TSNARE1: variants seen among roughly 807,000 people sequenced by gnomAD.
TSNARE1 encodes the protein t-SNARE domain-containing protein 1.
In TSNARE1, 49 loss-of-function variants were observed where a neutral mutation model predicts 62.0. The observed-to-expected ratio is 0.79, with a 90% confidence interval of 0.63 to 1.00. The LOEUF is 1.00. Among genes scored for constraint, TSNARE1 ranks in the 50% least tolerant of loss-of-function variants. TSNARE1 has a pLI of 0.00. For synonymous variants in TSNARE1, 328 were observed against 294.4 expected, an observed-to-expected ratio of 1.11 and a Z score of -1.17; for missense variants, 755 against 700.1, an observed-to-expected ratio of 1.08 and a Z score of -0.88.
intron 10 of TSNARE1, among the ~76,000 whole-genome samples, chr8:142,295,110 G>C (rs1381864327): frequency 6.6e-6 from 1 of 152,210 alleles, no homozygotes; most frequent in African/African-American, 2.4e-5. Flanking sequence ...TGAGTACACA[G>C]TGGAGACAGG....
At chr8:142,213,531 C>T (rs765163739) in intron 13 of TSNARE1, among the ~76,000 whole-genome samples, 8 of 152,134 alleles carry the variant, frequency 5.3e-5, no homozygotes, top group African/African-American at 1.2e-4. Flanking sequence ...TAAGGACAAA[C>T]GCCAGTTGCC....
At chr8:142,355,932 C>A (rs574952708) in intron 1 of TSNARE1, among the ~76,000 whole-genome samples, 8 of 152,342 alleles carry the variant, frequency 5.3e-5, no homozygotes, top group African/African-American at 1.4e-4. Context: ...GTGGGCCCCA[C>A]TGCCCTGCTC....
chr8:142,284,541 G>A (rs1397209729), intron 10 of TSNARE1, 56 bp from the exon 11 acceptor site: 13 of 1,380,972 alleles, frequency 9.4e-6, no homozygotes, highest in Non-Finnish European at 1.3e-5. Flanking sequence ...AGACACCAAG[G>A]GCACCTGAAA....
chr8:142,365,800 T>C (rs188461433), intron 1 of TSNARE1: 1 of 316,800 alleles, frequency 3.2e-6, no homozygotes, highest in East Asian at 1.1e-4. Flanking sequence ...AAAAACTCAC[T>C]GGAAATTATT....
In TSNARE1 at chr8:142,367,391, A is replaced by C. The variant is rs1002538781; in HGVS notation, c.-39-12628T>G. 1.7e-4 allele frequency among the ~76,000 whole-genome samples: 26 copies of C among 152,174 alleles called. 1 individual carries two copies. The highest frequency in any genetic ancestry group is 3.8e-4 in the Non-Finnish European group (26 of 68,044). On this transcript the variant is annotated intron_variant, in intron 1 of 13. Transcript: ENST00000524325. Reference sequence around the variant, plus strand: ...CTGATGTGCGTTACAACAGGGACGGATCCTGAAAGCACCGTGCTAGGAGAG... The same window carrying C: ...CTGATGTGCGTTACAACAGGGACGGCTCCTGAAAGCACCGTGCTAGGAGAG...
intron 6 of TSNARE1, among the ~76,000 whole-genome samples, chr8:142,322,135 A>C (rs1829559295): frequency 6.6e-6 from 1 of 152,364 alleles, no homozygotes; most frequent in East Asian, 1.9e-4. Flanking sequence ...AACAGAGCAA[A>C]TTTAACAAGG....
intron 10 of TSNARE1, among the ~76,000 whole-genome samples, chr8:142,296,984 C>G (rs13265050): frequency 0.24 from 36,785 of 152,094 alleles, 5,072 homozygotes; most frequent in African/African-American, 0.37. Flanking sequence ...CACTTCCACA[C>G]GGCCCGCTAC....
At chr8:142,341,124 C>T (rs1339554081) in intron 4 of TSNARE1, among the ~76,000 whole-genome samples, 1 of 152,214 alleles carries the variant, frequency 6.6e-6, no homozygotes, top group Non-Finnish European at 1.5e-5. Context: ...TCCCCCGACG[C>T]CTCCCATCTG....
chr8:142,222,515 CTCACTCAT>C (rs2129947171), intron 13 of TSNARE1, among the ~76,000 whole-genome samples: 5 of 94,632 alleles, frequency 5.3e-5, no homozygotes, highest in South Asian at 4.2e-4. Flanking sequence ...CACTCACTCA[CTCACTCAT>C]CCACTCACTC....
chr8:142,374,769 G>A (rs541930356), intron 1 of TSNARE1, among the ~76,000 whole-genome samples: 2 of 152,062 alleles, frequency 1.3e-5, no homozygotes, highest in South Asian at 4.2e-4. Flanking sequence ...GGGGAAGGAG[G>A]CTCTGAGAAG....
chr8:142,319,686 C>T lies in TSNARE1; in HGVS notation c.894-1052G>A, dbSNP rs1222636713. On this transcript the variant is annotated intron_variant, in intron 6 of 13. Coordinates refer to ENST00000524325, the MANE Select transcript of TSNARE1 (RefSeq NM_145003.5). This position sits in a 1 kb window ranked among gnomAD's most constrained non-coding sequence, Gnocchi z 4.9. ...AGGCCTTGGGGCCGACACGTGGGAGCGAGCCTGGCACCACCACTGCAGGCC... is the reference window on the plus strand; with the variant it reads ...AGGCCTTGGGGCCGACACGTGGGAGTGAGCCTGGCACCACCACTGCAGGCC... Among the ~76,000 whole-genome samples, 2 of 152,138 alleles carry T rather than the reference C, an allele frequency of 1.3e-5. No homozygotes were observed. Among genetic ancestry groups the T allele is most frequent in the Non-Finnish European group, 2.9e-5 (2 of 68,020 alleles).
intron 9 of TSNARE1, among the ~76,000 whole-genome samples, chr8:142,308,784 TCA>T (rs138425659): frequency 2.0e-5 from 3 of 151,810 alleles, no homozygotes; most frequent in Admixed American, 6.6e-5. Context: ...GCTTGACAGT[TCA>T]CACACACACA....
chr8:142,358,443 G>A (rs537670865), intron 1 of TSNARE1, among the ~76,000 whole-genome samples: 50 of 152,142 alleles, frequency 3.3e-4, no homozygotes, highest in Non-Finnish European at 6.6e-4. Context: ...CAGAGCTGGG[G>A]CCCCTGGGGG....
chr8:142,299,702 A>G (rs946873453), intron 10 of TSNARE1, among the ~76,000 whole-genome samples: 8 of 151,684 alleles, frequency 5.3e-5, no homozygotes, highest in African/African-American at 2.4e-5. Context: ...ATGCACACAC[A>G]CGCACTCACG....
At chr8:142,285,332 T>C (rs1487050348) in intron 10 of TSNARE1, among the ~76,000 whole-genome samples, 1 of 96,786 alleles carries the variant, frequency 1.0e-5, no homozygotes, top group Admixed American at 1.1e-4. Context: ...GGATAGGTGG[T>C]TGGACAGATG....
At chr8:142,360,406 C>T (rs1021245443) in intron 1 of TSNARE1, among the ~76,000 whole-genome samples, 17 of 152,166 alleles carry the variant, frequency 1.1e-4, no homozygotes, top group Admixed American at 5.9e-4. Flanking sequence ...CCCCGCTGAG[C>T]GGAAGCTGGC....
chr8:142,219,653 C>T (rs376378902), intron 13 of TSNARE1, among the ~76,000 whole-genome samples: 42 of 152,336 alleles, frequency 2.8e-4, no homozygotes, highest in African/African-American at 9.9e-4. Context: ...CCCTCACCTG[C>T]CTTCCTGCCT....
chr8:142,285,121 A>G (rs1472223917), intron 10 of TSNARE1, among the ~76,000 whole-genome samples: 1 of 152,150 alleles, frequency 6.6e-6, no homozygotes, highest in Non-Finnish European at 1.5e-5. Context: ...AGGTGGGTGG[A>G]CAAATGGAAT....
chr8:142,310,058 T>C (rs992396765), intron 9 of TSNARE1, among the ~76,000 whole-genome samples: 7 of 152,218 alleles, frequency 4.6e-5, no homozygotes, highest in Non-Finnish European at 8.8e-5. Context: ...GGACTGGTAA[T>C]GATCTATCCA....
Sources: allele counts gnomAD v4.1 joint callset (sites outside exome capture counted in the v4.1 genomes callset), GRCh38; gene constraint gnomAD v4.1.1; non-coding constraint Gnocchi (gnomAD v3.1); transcripts MANE v1.5; gene names NCBI Gene and HGNC (gene_info 2026-07-23, HGNC 2026-07-21).